Variants in TBC1D13 observed in about 807,000 individuals in gnomAD.
TBC1D13 encodes the protein TBC1 domain family member 13, also known as epididymis secretory sperm binding protein.
A neutral mutation model predicts 53.6 loss-of-function variants in TBC1D13; 40 were observed. That is an observed-to-expected ratio of 0.75 (90% confidence interval 0.58 to 0.97). The LOEUF (loss-of-function observed/expected upper bound fraction) is 0.97. TBC1D13 is among the 50% of genes least tolerant of loss of function. The pLI, the probability that TBC1D13 is intolerant of heterozygous loss-of-function variation, is 0.00. For synonymous variants in TBC1D13, 182 were observed against 197.7 expected (o/e 0.92, Z 0.67); for missense variants, 377 against 499.4 (o/e 0.75, Z 2.34).
At chr9:128,790,225 C>A (rs1188960758) in intron 2 of TBC1D13, among the ~76,000 whole-genome samples, 2 of 144,974 alleles carry the variant, frequency 1.4e-5, no homozygotes, top group Non-Finnish European at 1.5e-5. Context: ...CCATTGCACT[C>A]CAGCCTGGGC....
rs755070137 is a variant in TBC1D13 at position 128,804,095 on chromosome 9, GGATGTGGA to G, written c.896_903del (p.Asp299AlafsTer32). On this transcript the variant is annotated frameshift_variant, in exon 9 of 12. Coordinates refer to ENST00000372648, the MANE Select transcript of TBC1D13 (RefSeq NM_018201.5). LOFTEE classifies it high-confidence loss of function. Reference sequence around the variant, plus strand: ...AGGTTTACTCCACCTTGAAAGATAAGGATGTGGAGCTCTACCTGAAACTGGTGAGGACC... The same window carrying G: ...AGGTTTACTCCACCTTGAAAGATAAGGCTCTACCTGAAACTGGTGAGGACC... 1 of 1,614,050 alleles carries G rather than the reference GGATGTGGA, an allele frequency of 6.2e-7. No homozygotes were observed. The highest frequency in any genetic ancestry group is 1.7e-5 in the Admixed American group (1 of 60,026).
Position 128,803,426 on chromosome 9 carries a change from C to T in TBC1D13, c.720C>T (p.Tyr240=), listed in dbSNP as rs1161171475. 6.2e-7 allele frequency: 1 copy of T among 1,614,188 alleles called. No individual in the cohort carries two copies. Among genetic ancestry groups the T allele is most frequent in the Non-Finnish European group, 8.5e-7 (1 of 1,180,032 alleles). ...ATGAAATCGTGGGGCCCCTCTACTA[C>T]ACCTTTGCCACCGACCCCAATAGTG... The part of the protein sequence containing the change: ...GMNEIVGPLY[Y]TFATDPNSEW... The change falls in exon 8 of 12, where the codon TAC becomes TAT. Residue 240 remains tyrosine (Y), a synonymous_variant. Coordinates refer to ENST00000372648, the MANE Select transcript of TBC1D13 (RefSeq NM_018201.5).
chr9:128,803,923 C>T (rs575597361), intron 8 of TBC1D13, 33 bp from the exon 9 acceptor site: 97 of 1,609,008 alleles, frequency 6.0e-5, no homozygotes, highest in South Asian at 4.0e-4. Context: ...GCCTGGAGTG[C>T]GCCACTTCTG....
Position 128,805,725 on chromosome 9 carries a change from G to C in TBC1D13, c.919-134G>C, listed in dbSNP as rs958003987. ...CCAGGCAAGGCTGTCCGGCAGCCTG[G>C]TGCCAGCCCTGGTGCTCACACCTGG... On this transcript the variant is annotated intron_variant, in intron 9 of 11. Coordinates refer to ENST00000372648, the MANE Select transcript of TBC1D13 (RefSeq NM_018201.5). 12 of 1,000,694 alleles carry C rather than the reference G, an allele frequency of 1.2e-5. 1 individual carries two copies. In the African/African-American group the frequency reaches 2.0e-4, roughly 16 times the overall value. 62.0% of individuals were successfully genotyped at this position (1,000,694 alleles called of 1,614,324 possible). A position where few individuals can be genotyped will look rare whatever the true frequency, so the allele number is the denominator to read the frequency against.
At chr9:128,791,254 G>C in intron 3 of TBC1D13, 126 bp from the exon 4 acceptor site, 1 of 923,782 alleles carries the variant, frequency 1.1e-6, no homozygotes, top group East Asian at 2.5e-5. Flanking sequence ...GGCATTCCTG[G>C]ATTTTAGCCC....
intron 7 of TBC1D13, among the ~76,000 whole-genome samples, chr9:128,799,721 C>T (rs1234863293): frequency 2.0e-5 from 3 of 152,162 alleles, no homozygotes; most frequent in Non-Finnish European, 2.9e-5. Flanking sequence ...CATTGTCTGC[C>T]GCATAAAAAG....
At chr9:128,787,454 G>A in intron 1 of TBC1D13, 78 bp downstream of exon 1, 2 of 1,236,398 alleles carry the variant, frequency 1.6e-6, no homozygotes, top group East Asian at 3.2e-5. Flanking sequence ...AGGGGGAAGC[G>A]CGGGTGTGGC....
rs1230781299 is a variant in TBC1D13 at position 128,787,288 on chromosome 9, C to CGGCGGCAGCGCA, written c.-57_-46dup. On this transcript the variant is annotated 5_prime_UTR_variant, in exon 1 of 12. Transcript: ENST00000372648. ...CCGCGTCCCTGGGGGGCGGCGGCGG[C>CGGCGGCAGCGCA]GGCGGCAGCGCAGGCGGCAGAGGCG... The CGGCGGCAGCGCA allele has an allele frequency of 2.2e-4, 278 of 1,251,364 alleles. No homozygotes were observed. In the African/African-American group the frequency reaches 3.7e-3, roughly 16 times the overall value. The allele number at this position is 1,251,364 out of a possible 1,614,324, so 77.5% of individuals were successfully genotyped here.
At chr9:128,791,816 C>T (rs1169136142) in intron 5 of TBC1D13, 123 bp downstream of exon 5, 4 of 742,650 alleles carry the variant, frequency 5.4e-6, no homozygotes, top group African/African-American at 1.7e-5. Flanking sequence ...CCCTCTGGAC[C>T]TCCCAGTTCC....
At chr9:128,793,703 CT>C (rs1340486371) in intron 6 of TBC1D13, among the ~76,000 whole-genome samples, 2 of 152,156 alleles carry the variant, frequency 1.3e-5, no homozygotes, top group African/African-American at 4.8e-5. Context: ...TATCCTGTTC[CT>C]TTTACAACAG....
chr9:128,807,671 G>A, intron 11 of TBC1D13, 143 bp from the exon 12 acceptor site: 1 of 803,986 alleles, frequency 1.2e-6, no homozygotes, highest in Non-Finnish European at 2.2e-6. Context: ...CTGGGGGTTG[G>A]GGAGTGTGGG....
chr9:128,804,814 C>T (rs1427000444), intron 9 of TBC1D13, among the ~76,000 whole-genome samples: 5 of 149,086 alleles, frequency 3.4e-5, no homozygotes, highest in African/African-American at 7.4e-5. Flanking sequence ...CTGCAACCTC[C>T]GCCTCCCAGG....
Position 128,788,415 on chromosome 9 carries a change from G to A in TBC1D13, c.97+8G>A, listed in dbSNP as rs751339161. On this transcript the variant is annotated splice_region_variant and intron_variant, in intron 2 of 11. Transcript: ENST00000372648. Reference sequence around the variant, plus strand: ...GGGAACTCAGCTTTAGTGGTAAGAAGCCATTCTGTATTTTCACGGTTTCCC... The same window carrying A: ...GGGAACTCAGCTTTAGTGGTAAGAAACCATTCTGTATTTTCACGGTTTCCC... 5.6e-6 allele frequency: 9 copies of A among 1,613,356 alleles called. No homozygotes were observed. The highest frequency in any genetic ancestry group is 7.6e-6 in the Non-Finnish European group (9 of 1,179,502).
chr9:128,803,155 C>A, intron 7 of TBC1D13, 95 bp from the exon 8 acceptor site: 1 of 1,134,010 alleles, frequency 8.8e-7, no homozygotes, highest in Non-Finnish European at 1.3e-6. Flanking sequence ...TGGGGCTCAG[C>A]TCCCACCTCA....
chr9:128,787,509 C>CTTCTAA (rs1829442533), intron 1 of TBC1D13, 133 bp downstream of exon 1: 1 of 939,578 alleles, frequency 1.1e-6, no homozygotes, highest in East Asian at 3.3e-5. Context: ...GAGCGTCCAC[C>CTTCTAA]TTCTAACCTC....
chr9:128,789,493 A>G (rs1261654268), intron 2 of TBC1D13, among the ~76,000 whole-genome samples: 1 of 152,028 alleles, frequency 6.6e-6, no homozygotes, highest in Non-Finnish European at 1.5e-5. Flanking sequence ...GGAGTGAAAT[A>G]TAGGCCCCAA....
At chr9:128,787,404 T>A (rs375342081) in intron 1 of TBC1D13, 28 bp downstream of exon 1, 36 of 1,255,096 alleles carry the variant, frequency 2.9e-5, no homozygotes, top group Middle Eastern at 4.1e-4. Context: ...CTGACCCGGC[T>A]GGGCCACTCC....
chr9:128,788,505 CTGGG>C, intron 2 of TBC1D13, 98 bp downstream of exon 2: 2 of 1,040,340 alleles, frequency 1.9e-6, no homozygotes, highest in East Asian at 2.4e-5. Context: ...GGCCCAGCTG[CTGGG>C]GGCTGGGGCC....
chr9:128,805,911 T>C lies in TBC1D13; in HGVS notation c.971T>C (p.Leu324Pro), dbSNP rs143813632. The C allele has an allele frequency of 2.5e-6, 4 of 1,614,062 alleles. No individual in the cohort carries two copies. The African/African-American group carries it at 5.3e-5, about 22-fold the overall frequency. ...TTTGCCTTCCGCTGGCTGACACTGC[T>C]GCTGTCCCAGGAGTTCTTGCTGCCT... ...QFFAFRWLTL[L>P]LSQEFLLPDV... Residue 324 changes from leucine (L) to proline (P), a missense_variant, in exon 10 of 12, where the codon CTG (leucine) becomes CCG (proline). Physicochemically the swap from Leu to Pro is moderately conservative, Grantham distance 98. Coordinates refer to ENST00000372648, the MANE Select transcript of TBC1D13 (RefSeq NM_018201.5).
Sources: gnomAD v4.1 joint callset for allele counts (sites outside exome capture counted in the v4.1 genomes callset) on GRCh38, gnomAD v4.1.1 for gene constraint, MANE v1.5 for transcripts, NCBI Gene and HGNC (gene_info 2026-07-23, HGNC 2026-07-21) for gene names.